The following CARHSP1 variants were observed in gnomAD, a reference collection of about 807,000 sequenced individuals.
CARHSP1 encodes the protein calcium regulated heat stable protein 1.
Under a neutral mutation model 12.5 loss-of-function variants are expected in CARHSP1, and 14 were observed. The observed-to-expected ratio is 1.12, with a 90% CI of 0.74 to 1.75. CARHSP1 has a LOEUF of 1.75. Among genes scored for constraint, CARHSP1 ranks in the 40% most tolerant of loss-of-function variants. CARHSP1 has a pLI of 0.00. For synonymous variants in CARHSP1, 161 were observed against 82.0 expected, an observed-to-expected ratio of 1.96 and a Z score of -5.20; for missense variants, 343 against 201.6, an observed-to-expected ratio of 1.70 and a Z score of -4.25.
chr16:8,866,868 C>G (rs576871308), intron 1 of CARHSP1, among the ~76,000 whole-genome samples: 2 of 152,252 alleles, frequency 1.3e-5, no homozygotes, highest in East Asian at 3.9e-4. Flanking sequence ...AGCCCGGCGC[C>G]TACGTCTGCC....
chr16:8,859,017 C>A, intron 2 of CARHSP1, 154 bp downstream of exon 2: 1 of 632,546 alleles, frequency 1.6e-6, no homozygotes, highest in Non-Finnish European at 2.6e-6. Context: ...AAGGCGCCTT[C>A]CTAGTTTCTC....
intron 2 of CARHSP1, 171 bp downstream of exon 2, chr16:8,859,000 A>C (rs1417524076): frequency 1.7e-6 from 1 of 577,308 alleles, no homozygotes; most frequent in African/African-American, 1.9e-5. Context: ...CAGTACCCTG[A>C]ATTTACAAGG....
At chr16:8,862,417 C>T (rs2061382803) in intron 1 of CARHSP1, among the ~76,000 whole-genome samples, 1 of 152,110 alleles carries the variant, frequency 6.6e-6, no homozygotes, top group Admixed American at 6.5e-5. Flanking sequence ...TAAAGGCACT[C>T]AACAGACACG....
At chr16:8,859,014 C>T in intron 2 of CARHSP1, 157 bp downstream of exon 2, 4 of 621,744 alleles carry the variant, frequency 6.4e-6, no homozygotes, top group Non-Finnish European at 7.9e-6. Context: ...TACAAGGCGC[C>T]TTCCTAGTTT....
chr16:8,856,233 G>A (rs562218020), intron 3 of CARHSP1, among the ~76,000 whole-genome samples: 3 of 152,292 alleles, frequency 2.0e-5, no homozygotes, highest in East Asian at 3.9e-4. Flanking sequence ...CCTCTCACAT[G>A]AGACTGGCAT....
intron 3 of CARHSP1, chr16:8,857,446 C>CTTTTTTTTTTT (rs35327475): frequency 3.0e-5 from 3 of 99,952 alleles, no homozygotes; most frequent in African/African-American, 8.4e-5. Context: ...TCATTCCCCG[C>CTTTTTTTTTTT]TTTTTTTTTT....
intron 1 of CARHSP1, among the ~76,000 whole-genome samples, chr16:8,862,600 G>A (rs1355977423): frequency 6.6e-6 from 1 of 152,168 alleles, no homozygotes; most frequent in African/African-American, 2.4e-5. Context: ...GCTAATCAGG[G>A]TGCCTGCAGG....
chr16:8,854,868 C>G lies in CARHSP1; in HGVS notation c.*296G>C. On this transcript the variant is annotated 3_prime_UTR_variant, in exon 4 of 4. Coordinates refer to ENST00000311052, the MANE Select transcript of CARHSP1 (RefSeq NM_014316.4). ...AGAAATACCACCCTTGATCCACTCC[C>G]TGGGATGGGGTTGGAACCTCCACTC... The G allele has an allele frequency of 3.9e-6, 1 of 257,430 alleles. No homozygotes were observed. The highest frequency in any genetic ancestry group is 7.3e-6 in the Non-Finnish European group (1 of 136,146). 15.9% of individuals were successfully genotyped at this position (257,430 alleles called of 1,614,324 possible). A position where few individuals can be genotyped will look rare whatever the true frequency, so the allele number is the denominator to read the frequency against.
At position 8,857,263 on chromosome 16, in the gene CARHSP1, G is replaced by GTTTTTTGTTTTTTGT. The variant is rs1315960023; in HGVS notation, c.281+1086_281+1087insACAAAAAACAAAAAA. Among the ~76,000 whole-genome samples the GTTTTTTGTTTTTTGT allele has an allele frequency of 5.3e-4, 30 of 57,036 alleles. 2 individuals are homozygous for GTTTTTTGTTTTTTGT. Among genetic ancestry groups the GTTTTTTGTTTTTTGT allele is most frequent in the East Asian group, 8.9e-4 (1 of 1,120 alleles). 37.4% of individuals were successfully genotyped at this position (57,036 alleles called of 152,430 possible). On this transcript the variant is annotated intron_variant, in intron 3 of 3. Transcript: ENST00000311052. ...TGGCTATGTGATCTTGGGCAGATCTGTTTTTTTTTTTTTTTTTTTTTTTTT... is the reference window on the plus strand; with the variant it reads ...TGGCTATGTGATCTTGGGCAGATCTGTTTTTTGTTTTTTGTTTTTTTTTTTTTTTTTTTTTTTTTT...
rs1167951461 is a variant in CARHSP1 at position 8,855,165 on chromosome 16, TAG to T, written c.441_442del (p.Ter148GlyfsTer82). 3 of 1,589,562 alleles carry T rather than the reference TAG, an allele frequency of 1.9e-6. No individual in the cohort carries two copies. The African/African-American group carries it at 4.0e-5, about 21-fold the overall frequency. On this transcript the variant is annotated frameshift_variant and stop_lost, in exon 4 of 4. Transcript: ENST00000311052. LOFTEE classifies it high-confidence loss of function. ...GACAAGGGGTGCTTCCACCATCTCCTAGGAGCTGATGACATGTCCAGACCAGG... is the reference window on the plus strand; with the variant it reads ...GACAAGGGGTGCTTCCACCATCTCCTGAGCTGATGACATGTCCAGACCAGG...
Position 8,854,890 on chromosome 16 carries a change from A to C in CARHSP1, c.*274T>G, listed in dbSNP as rs1343740235. On this transcript the variant is annotated 3_prime_UTR_variant, in exon 4 of 4. Coordinates refer to ENST00000311052, the MANE Select transcript of CARHSP1 (RefSeq NM_014316.4). ...TCCCTGGGATGGGGTTGGAACCTCC[A>C]CTCAGCCACCAGTGGGCACCTCTCC... 1.4e-5 allele frequency: 4 copies of C among 290,580 alleles called. No homozygotes were observed. Among genetic ancestry groups the C allele is most frequent in the Non-Finnish European group, 2.5e-5 (4 of 157,536 alleles). 18.0% of individuals were successfully genotyped at this position (290,580 alleles called of 1,614,324 possible). A position where few individuals can be genotyped will look rare whatever the true frequency, so the allele number is the denominator to read the frequency against.
chr16:8,859,629 G>A (rs971268619), intron 1 of CARHSP1, among the ~76,000 whole-genome samples: 1 of 152,058 alleles, frequency 6.6e-6, no homozygotes, highest in East Asian at 1.9e-4. Context: ...ATGGATCCCG[G>A]CACATTTGGG....
chr16:8,863,452 C>G (rs1485988780), intron 1 of CARHSP1, among the ~76,000 whole-genome samples: 4 of 152,192 alleles, frequency 2.6e-5, no homozygotes, highest in South Asian at 2.1e-4. Flanking sequence ...ACCCAAAGCC[C>G]CAGCTGGCTG....
rs2060995804 is a variant in CARHSP1, at chr16:8,853,283, A to C, written c.*1881T>G. 1 of 152,116 alleles carries C rather than the reference A, an allele frequency of 6.6e-6. No homozygotes were observed. The highest frequency in any genetic ancestry group is 1.5e-5 in the Non-Finnish European group (1 of 68,040). 9.4% of individuals were successfully genotyped at this position (152,116 alleles called of 1,614,324 possible). ...TCGGGTCTTGGCTGTGGAAGTGTGG[A>C]CTGTACCAGCAGATGGGCCCTTGGG... On this transcript the variant is annotated 3_prime_UTR_variant, in exon 4 of 4. Coordinates refer to ENST00000311052, the MANE Select transcript of CARHSP1 (RefSeq NM_014316.4).
At chr16:8,861,062 A>T (rs1265535066) in intron 1 of CARHSP1, among the ~76,000 whole-genome samples, 1 of 103,718 alleles carries the variant, frequency 9.6e-6, no homozygotes, top group African/African-American at 3.2e-5. Context: ...AAAAAAATAA[A>T]TAACTTTTAT....
intron 3 of CARHSP1, among the ~76,000 whole-genome samples, 164 bp from the exon 4 acceptor site, chr16:8,855,490 C>G (rs780138100): frequency 6.6e-6 from 1 of 152,128 alleles, no homozygotes; most frequent in Non-Finnish European, 1.5e-5. Context: ...GAGGGAGCTG[C>G]CACACTGCCC....
intron 1 of CARHSP1, chr16:8,861,829 C>G (rs2061364537): frequency 8.4e-7 from 1 of 1,195,128 alleles, no homozygotes; most frequent in Non-Finnish European, 1.1e-6. Context: ...CCCAGAGTTC[C>G]AGGAAAGAGG....
At position 8,854,950 on chromosome 16, in the gene CARHSP1, G is replaced by A. The variant is rs2061048422; in HGVS notation, c.*214C>T. 1.2e-5 allele frequency: 5 copies of A among 404,466 alleles called. No homozygotes were observed. The highest frequency in any genetic ancestry group is 2.2e-5 in the Non-Finnish European group (5 of 229,270). The allele number at this position is 404,466 out of a possible 1,614,324, so 25.1% of individuals were successfully genotyped here. On this transcript the variant is annotated 3_prime_UTR_variant, in exon 4 of 4. Transcript: ENST00000311052. ...GCTTTTAATGCTCTTCAGATGGTGA[G>A]AGGTTGTTGCAATGGTCATAGGCTG...
At chr16:8,860,261 T>C in intron 1 of CARHSP1, 1 of 983,294 alleles carries the variant, frequency 1.0e-6, no homozygotes, top group Non-Finnish European at 1.2e-6. Context: ...CAAGGCTGCA[T>C]CCAGCTCCAT....
Sources: allele counts gnomAD v4.1 joint callset (sites outside exome capture counted in the v4.1 genomes callset), GRCh38; gene constraint gnomAD v4.1.1; transcripts MANE v1.5; gene names NCBI Gene and HGNC (gene_info 2026-07-23, HGNC 2026-07-21).